Variants in TTPA observed in about 807,000 individuals in gnomAD.
The protein encoded by TTPA is alpha tocopherol transfer protein.
Under a neutral mutation model 25.9 loss-of-function variants are expected in TTPA, and 23 were observed. The ratio of observed to expected loss-of-function variants is 0.89; its 90% CI spans 0.64 to 1.26. The LOEUF is 1.26. Ranked by LOEUF, TTPA falls within the 50% of genes most tolerant of loss-of-function variation. TTPA has a pLI of 0.00. For synonymous variants in TTPA, 148 were observed against 137.3 expected (o/e 1.08, Z -0.54); for missense variants, 337 against 353.1 (o/e 0.95, Z 0.37).
chr8:63,078,262 A>T (rs555709889), intron 1 of TTPA, among the ~76,000 whole-genome samples: 1 of 152,288 alleles, frequency 6.6e-6, no homozygotes, highest in African/African-American at 2.4e-5. Flanking sequence ...AATTCTAAAA[A>T]CCAGAGCGCC....
intron 1 of TTPA, among the ~76,000 whole-genome samples, chr8:63,084,543 A>G (rs963568655): frequency 5.3e-5 from 8 of 152,222 alleles, no homozygotes; most frequent in African/African-American, 1.9e-4. Flanking sequence ...AGTAAGATGG[A>G]TGTATACCAG....
Position 63,085,879 on chromosome 8 carries a change from G to A in TTPA, c.143C>T (p.Thr48Ile), listed in dbSNP as rs2129795826. ...CAGGAACCGCAGCAGGAAGGAGTCG[G>A]TGAGCGGCAGCGGCGCGAGCGGGAC... ...AGVPLAPLPL[T>I]DSFLLRFLRA... The change falls in exon 1 of 5, where the codon ACC (threonine) becomes ATC (isoleucine). Residue 48 changes from threonine to isoleucine, a missense_variant. Transcript: ENST00000260116. 6.5e-7 allele frequency: 1 copy of A among 1,533,060 alleles called. No individual in the cohort carries two copies. The highest frequency in any genetic ancestry group is 8.7e-7 in the Non-Finnish European group (1 of 1,144,650). 95.0% of individuals were successfully genotyped at this position (1,533,060 alleles called of 1,614,324 possible).
At chr8:63,065,619 AG>A (rs1383801939) in intron 3 of TTPA, among the ~76,000 whole-genome samples, 1 of 152,166 alleles carries the variant, frequency 6.6e-6, no homozygotes, top group Admixed American at 6.5e-5. Flanking sequence ...TTTTTAATTT[AG>A]GAAAAAAAGT....
chr8:63,084,847 C>A (rs1805722904), intron 1 of TTPA, among the ~76,000 whole-genome samples: 1 of 152,170 alleles, frequency 6.6e-6, no homozygotes, highest in Admixed American at 6.5e-5. Flanking sequence ...TATGGAGTAG[C>A]CATTCTTTTG....
downstream of TTPA, among the ~76,000 whole-genome samples, chr8:63,059,264 C>T (rs1805260977): frequency 6.6e-6 from 1 of 151,178 alleles, no homozygotes; most frequent in African/African-American, 2.4e-5. Flanking sequence ...GATCTCCTGA[C>T]CTCGTGATCC....
In TTPA at chr8:63,060,197, G is replaced by GT. The variant is rs1171201597; in HGVS notation, c.*1054dup. On this transcript the variant is annotated 3_prime_UTR_variant, in exon 5 of 5. Transcript: ENST00000260116. The stretch of plus-strand genomic sequence containing the variant: ...TAAAAACAGTCCATGTATAAGACAA[G>GT]TAAGTATGATTCCATCCCTTTCCGT... 1 of 152,140 alleles carries GT rather than the reference G, an allele frequency of 6.6e-6. No individual in the cohort carries two copies. Among genetic ancestry groups the GT allele is most frequent in the Non-Finnish European group, 1.5e-5 (1 of 67,986 alleles). 9.4% of individuals were successfully genotyped at this position (152,140 alleles called of 1,614,324 possible). A position where few individuals can be genotyped will look rare whatever the true frequency, so the allele number is the denominator to read the frequency against.
downstream of TTPA, among the ~76,000 whole-genome samples, chr8:63,059,138 TCTC>T (rs1805255359): frequency 7.0e-6 from 1 of 142,456 alleles, no homozygotes. Flanking sequence ...TTCACGCCAT[TCTC>T]CTGCCTCAGC....
At chr8:63,083,375 C>T (rs372110004) in intron 1 of TTPA, among the ~76,000 whole-genome samples, 5 of 152,128 alleles carry the variant, frequency 3.3e-5, no homozygotes, top group African/African-American at 1.2e-4. Context: ...TTCTCAGCAA[C>T]TATCACAAAG....
intron 2 of TTPA, among the ~76,000 whole-genome samples, chr8:63,072,015 C>T (rs997499078): frequency 1.3e-5 from 2 of 152,154 alleles, no homozygotes; most frequent in African/African-American, 4.8e-5. Context: ...TAATGGAATA[C>T]CGTGTCTGCA....
At chr8:63,082,085 C>A (rs1344237435) in intron 1 of TTPA, among the ~76,000 whole-genome samples, 1 of 152,142 alleles carries the variant, frequency 6.6e-6, no homozygotes, top group East Asian at 1.9e-4. Context: ...TTTATAGATT[C>A]AATGCCATCC....
intron 1 of TTPA, among the ~76,000 whole-genome samples, chr8:63,080,579 GGGCGTGGT>G (rs1272160092): frequency 6.6e-6 from 1 of 151,868 alleles, no homozygotes; most frequent in Non-Finnish European, 1.5e-5. Flanking sequence ...AAAATTAGCT[GGGCGTGGT>G]GGCGGGCGTC....
chr8:63,059,020 GTTTTTTTTTTTT>G (rs35335226), downstream of TTPA, among the ~76,000 whole-genome samples: 1 of 67,144 alleles, frequency 1.5e-5, no homozygotes, highest in East Asian at 4.1e-4. Context: ...GCAGGGTCCA[GTTTTTTTTTTTT>G]TTTTTTTTTT....
At chr8:63,079,448 C>A (rs2129779015) in intron 1 of TTPA, among the ~76,000 whole-genome samples, 1 of 152,000 alleles carries the variant, frequency 6.6e-6, no homozygotes, top group South Asian at 2.1e-4. Flanking sequence ...TGCAGAGACA[C>A]ATATAGGCTC....
intron 1 of TTPA, among the ~76,000 whole-genome samples, chr8:63,077,262 T>A (rs1238343584): frequency 6.6e-6 from 1 of 152,162 alleles, no homozygotes; most frequent in Non-Finnish European, 1.5e-5. Context: ...GATGGGTGAT[T>A]TCTGCGTTTC....
intron 1 of TTPA, among the ~76,000 whole-genome samples, chr8:63,075,895 G>T (rs576846898): frequency 1.3e-5 from 2 of 152,132 alleles, no homozygotes; most frequent in African/African-American, 4.8e-5. Flanking sequence ...AAACCATAAA[G>T]ATAATTATAG....
chr8:63,064,217 T>C lies in TTPA; in HGVS notation c.652A>G (p.Ile218Val), dbSNP rs775796112. ...TATATTTTACTCACCCGTTCCTTAA[T>C]TTTTTCAGTCAGGAATGGTTTGATC... is the stretch of plus-strand genomic sequence containing the variant. The part of the protein sequence containing the change: ...SMIKPFLTEK[I>V]KERIHMHGNN... Residue 218 changes from isoleucine (I) to valine (V), a missense_variant, in exon 4 of 5, where the codon ATT becomes GTT. Physicochemically the swap from Ile to Val is conservative, Grantham distance 29 (BLOSUM62 3). Coordinates refer to ENST00000260116, the MANE Select transcript of TTPA (RefSeq NM_000370.3). The C allele has an allele frequency of 6.2e-7, 1 of 1,611,772 alleles. No individual in the cohort carries two copies. The highest frequency in any genetic ancestry group is 8.5e-7 in the Non-Finnish European group (1 of 1,178,544).
intron 2 of TTPA, among the ~76,000 whole-genome samples, chr8:63,066,437 G>A (rs549684324): frequency 2.6e-5 from 4 of 152,244 alleles, no homozygotes; most frequent in Admixed American, 6.5e-5. Context: ...GAAAAGCAAG[G>A]GCCTGGATTA....
chr8:63,074,982 G>T (rs1805539545), intron 1 of TTPA, among the ~76,000 whole-genome samples: 1 of 152,184 alleles, frequency 6.6e-6, no homozygotes, highest in Admixed American at 6.5e-5. Flanking sequence ...ACTGACTTCT[G>T]TAAAGAGGCA....
chr8:63,066,213 A>T (rs1385544201), intron 2 of TTPA, 116 bp from the exon 3 acceptor site: 9 of 1,069,882 alleles, frequency 8.4e-6, no homozygotes, highest in Admixed American at 2.1e-5. Context: ...AACATCTACA[A>T]AGATCAAGAA....
Sources: allele counts gnomAD v4.1 joint callset (sites outside exome capture counted in the v4.1 genomes callset), GRCh38; gene constraint gnomAD v4.1.1; transcripts MANE v1.5; gene names NCBI Gene and HGNC (gene_info 2026-07-23, HGNC 2026-07-21).